The following PSD3 variants were observed in gnomAD, a reference collection of about 807,000 sequenced individuals.
PSD3 encodes the protein PH and SEC7 domain-containing protein 3.
PSD3 carries 49 observed loss-of-function variants against 105.5 expected under a neutral mutation model. The observed-to-expected ratio is 0.46, with a 90% CI of 0.37 to 0.59. The LOEUF (loss-of-function observed/expected upper bound fraction) is 0.59, where lower values mean the gene tolerates loss of function less well. Among genes scored for constraint, PSD3 ranks in the 20% least tolerant of loss-of-function variants. The probability of loss-of-function intolerance (pLI) is 0.00; values close to 1 mark genes in which losing one functional copy is unlikely to be tolerated. For missense variants in PSD3, 1,561 were observed against 1,263.8 expected, an observed-to-expected ratio of 1.24 and a Z score of -3.57; for synonymous variants, 557 against 457.8, an observed-to-expected ratio of 1.22 and a Z score of -2.77.
chr8:18,740,651 T>C (rs1341673877), intron 9 of PSD3, among the ~76,000 whole-genome samples: 1 of 152,186 alleles, frequency 6.6e-6, no homozygotes, highest in Non-Finnish European at 1.5e-5. Context: ...ATTACTTCCA[T>C]TTCTAATAAC....
At chr8:18,913,378 C>T (rs1468628408) in intron 2 of PSD3, among the ~76,000 whole-genome samples, 1 of 151,870 alleles carries the variant, frequency 6.6e-6, no homozygotes, top group East Asian at 1.9e-4. Flanking sequence ...CTTCAGATTT[C>T]CTGTCATTTT....
chr8:18,990,631 C>G (rs1825740985), intron 1 of PSD3, among the ~76,000 whole-genome samples: 1 of 152,102 alleles, frequency 6.6e-6, no homozygotes, highest in Non-Finnish European at 1.5e-5. Context: ...CATCCCCACC[C>G]GGGCAATCTA....
rs181146052 is a variant in PSD3, at chr8:18,957,628, A to T, written c.22-21486T>A. On this transcript the variant is annotated intron_variant, in intron 1 of 15. Transcript: ENST00000327040. ...GCCTAGACAGGGAGGGCTGTAAAAA[A>T]AGACTCAGGAATAAGGTAGGCAGAA... Among the ~76,000 whole-genome samples, 543 of 152,318 alleles carry T rather than the reference A, an allele frequency of 3.6e-3. 5 individuals are homozygous for T. The highest frequency in any genetic ancestry group is 0.013 in the African/African-American group (522 of 41,570).
intron 4 of PSD3, among the ~76,000 whole-genome samples, chr8:18,858,999 C>G (rs966073758): frequency 6.6e-6 from 1 of 152,088 alleles, no homozygotes; most frequent in South Asian, 2.1e-4. Flanking sequence ...CTGACTTTGC[C>G]CAGATCCATC....
chr8:19,074,977 GC>G (rs1370867368), intron 1 of PSD3, among the ~76,000 whole-genome samples: 6 of 149,194 alleles, frequency 4.0e-5, no homozygotes, highest in Non-Finnish European at 8.9e-5. Flanking sequence ...ATGGAGTCTT[GC>G]CCTTTTTCCC....
At chr8:18,954,740 T>A (rs1459115244) in intron 1 of PSD3, among the ~76,000 whole-genome samples, 2 of 152,116 alleles carry the variant, frequency 1.3e-5, no homozygotes, top group African/African-American at 2.4e-5. Context: ...CCCCAAATAT[T>A]CTGTTTTCGC....
intron 8 of PSD3, among the ~76,000 whole-genome samples, chr8:18,767,107 C>T (rs1378367450): frequency 1.3e-5 from 2 of 152,004 alleles, no homozygotes; most frequent in Admixed American, 1.3e-4. Context: ...AGTGTGAGAC[C>T]CATGGAAAAT....
At chr8:18,612,434 G>A (rs1393502991) in intron 11 of PSD3, among the ~76,000 whole-genome samples, 2 of 151,842 alleles carry the variant, frequency 1.3e-5, no homozygotes, top group Admixed American at 6.6e-5. Context: ...GAGCAGCGGC[G>A]TGATCTCGGC....
At chr8:18,661,413 G>C (rs1404021507) in intron 9 of PSD3, among the ~76,000 whole-genome samples, 1 of 152,186 alleles carries the variant, frequency 6.6e-6, no homozygotes, top group African/African-American at 2.4e-5. Flanking sequence ...ATCAGAGAAA[G>C]AGCATGTTTG....
At chr8:18,979,584 T>C (rs1825143942) in intron 1 of PSD3, 1 of 152,246 alleles carries the variant, frequency 6.6e-6, no homozygotes, top group Non-Finnish European at 1.5e-5. Flanking sequence ...ATTTTTATAT[T>C]AAATAAATCA....
chr8:18,732,511 G>A (rs1803835744), intron 9 of PSD3, among the ~76,000 whole-genome samples: 2 of 152,188 alleles, frequency 1.3e-5, no homozygotes, highest in African/African-American at 4.8e-5. Flanking sequence ...GCTGACCTGG[G>A]GCTGGAGGAT....
chr8:18,841,884 TA>T (rs564594190), intron 4 of PSD3, among the ~76,000 whole-genome samples: 2 of 152,080 alleles, frequency 1.3e-5, no homozygotes, highest in South Asian at 2.1e-4. Context: ...TTAAAGACTT[TA>T]AAAAAAACTA....
At chr8:18,775,195 C>T (rs1468633282) in intron 8 of PSD3, among the ~76,000 whole-genome samples, 1 of 152,168 alleles carries the variant, frequency 6.6e-6, no homozygotes, top group African/African-American at 2.4e-5. Context: ...ATAATTTCAT[C>T]ATTTTCTATG....
intron 3 of PSD3, among the ~76,000 whole-genome samples, chr8:18,870,610 C>T (rs1419054354): frequency 6.6e-6 from 1 of 151,390 alleles, no homozygotes; most frequent in Non-Finnish European, 1.5e-5. Flanking sequence ...AGCAAACCAC[C>T]ATGGCACATG....
chr8:18,602,702 A>AG (rs1045033901), intron 11 of PSD3, among the ~76,000 whole-genome samples: 4 of 151,998 alleles, frequency 2.6e-5, no homozygotes, highest in African/African-American at 9.7e-5. Context: ...AGCAGAATTC[A>AG]GGGGAAGAAG....
At chr8:18,787,003 G>C (rs1809224544) in intron 8 of PSD3, among the ~76,000 whole-genome samples, 1 of 152,180 alleles carries the variant, frequency 6.6e-6, no homozygotes, top group Non-Finnish European at 1.5e-5. Flanking sequence ...TCCTCACGAT[G>C]TCTGGATTTT....
At chr8:18,894,548 C>G (rs1342301718) in intron 2 of PSD3, among the ~76,000 whole-genome samples, 4 of 152,132 alleles carry the variant, frequency 2.6e-5, no homozygotes, top group Non-Finnish European at 5.9e-5. Flanking sequence ...CTATGTCAAT[C>G]AGCCAGAACA....
At chr8:18,858,901 A>C (rs372998082) in intron 4 of PSD3, among the ~76,000 whole-genome samples, 1 of 152,120 alleles carries the variant, frequency 6.6e-6, no homozygotes, top group Non-Finnish European at 1.5e-5. Context: ...ATTCCTGTTC[A>C]TGTTGATATC....
intron 1 of PSD3, among the ~76,000 whole-genome samples, chr8:19,064,187 G>C (rs777100750): frequency 6.6e-6 from 1 of 151,912 alleles, no homozygotes; most frequent in Non-Finnish European, 1.5e-5. Context: ...TCAATTAAAC[G>C]AGAACTCCAA....
Sources: gnomAD v4.1 joint callset for allele counts (sites outside exome capture counted in the v4.1 genomes callset) on GRCh38, gnomAD v4.1.1 for gene constraint, MANE v1.5 for transcripts, NCBI Gene and HGNC (gene_info 2026-07-23, HGNC 2026-07-21) for gene names.